The following CCDC148 variants were observed in gnomAD, a reference collection of about 807,000 sequenced individuals.
CCDC148 encodes coiled-coil domain containing 148.
In CCDC148, 89 loss-of-function variants were observed where a neutral mutation model predicts 85.7. The observed-to-expected ratio is 1.04, with a 90% CI of 0.87 to 1.24. The LOEUF is 1.24. Ranked by LOEUF, CCDC148 falls within the 50% of genes most tolerant of loss-of-function variation. The probability of loss-of-function intolerance (pLI) is 0.00; values close to 1 mark genes in which losing one functional copy is unlikely to be tolerated. For missense variants in CCDC148, 692 were observed against 671.7 expected, an observed-to-expected ratio of 1.03 and a Z score of -0.33; for synonymous variants, 230 against 213.9, an observed-to-expected ratio of 1.08 and a Z score of -0.66.
intron 9 of CCDC148, among the ~76,000 whole-genome samples, chr2:158,287,464 G>GTA (rs1690680349): frequency 6.6e-6 from 1 of 152,100 alleles, no homozygotes; most frequent in South Asian, 2.1e-4. Flanking sequence ...TACAGTGGGG[G>GTA]TACAGGCATT....
intron 8 of CCDC148, among the ~76,000 whole-genome samples, chr2:158,313,276 T>C (rs1351580906): frequency 6.6e-6 from 1 of 152,180 alleles, no homozygotes; most frequent in Admixed American, 6.5e-5. Flanking sequence ...ACTAGGAGGA[T>C]CAAGCAGAGT....
chr2:158,454,216 G>C (rs910467631), intron 1 of CCDC148, among the ~76,000 whole-genome samples: 1 of 152,216 alleles, frequency 6.6e-6, no homozygotes, highest in African/African-American at 2.4e-5. Context: ...ATTCCCTTCA[G>C]ACAGTTTCTT....
chr2:158,374,259 T>A (rs935698412), intron 1 of CCDC148, among the ~76,000 whole-genome samples: 2 of 152,036 alleles, frequency 1.3e-5, no homozygotes, highest in African/African-American at 4.8e-5. Flanking sequence ...GACCAGCTAC[T>A]CAGGTGTCAA....
rs111316673 is a variant in CCDC148, at chr2:158,451,036, T to C, written c.25+5379A>G. ...GTTGGATAGTTTCTATTAGTCTGTC[T>C]TCAAGTTCACTGATTTCTTGTTCTG... On this transcript the variant is annotated intron_variant, in intron 1 of 13. Transcript: ENST00000283233. Among the ~76,000 whole-genome samples, 371 of 152,324 alleles carry C rather than the reference T, an allele frequency of 2.4e-3. 1 individual carries two copies. Among genetic ancestry groups the C allele is most frequent in the African/African-American group, 8.6e-3 (356 of 41,580 alleles).
At chr2:158,347,664 G>T (rs1398475476) in intron 2 of CCDC148, among the ~76,000 whole-genome samples, 2 of 152,014 alleles carry the variant, frequency 1.3e-5, no homozygotes, top group South Asian at 2.1e-4. Flanking sequence ...GAAACCAGGG[G>T]TTTCCTGTAT....
At chr2:158,266,854 CTGTG>C (rs147618414) in intron 9 of CCDC148, among the ~76,000 whole-genome samples, 16,978 of 149,186 alleles carry the variant, frequency 0.11, 1,117 homozygotes, top group Middle Eastern at 0.24. Context: ...GTGTGTGTGT[CTGTG>C]TGTGTGTGTG....
intron 12 of CCDC148, 77 bp from the exon 13 acceptor site, chr2:158,176,738 G>A: frequency 6.6e-7 from 1 of 1,504,658 alleles, no homozygotes; most frequent in Non-Finnish European, 9.0e-7. Context: ...GATGTCTAAT[G>A]CCCATTAAAG....
intron 9 of CCDC148, among the ~76,000 whole-genome samples, chr2:158,299,989 A>T (rs1363687436): frequency 6.6e-6 from 1 of 152,242 alleles, no homozygotes; most frequent in East Asian, 1.9e-4. Flanking sequence ...GAGCACAAAA[A>T]CAAGATGAAG....
chr2:158,420,284 GAC>G (rs1261261503), intron 1 of CCDC148, among the ~76,000 whole-genome samples: 1 of 152,086 alleles, frequency 6.6e-6, no homozygotes, highest in African/African-American at 2.4e-5. Context: ...GGAACTCCAA[GAC>G]ACATAATTAT....
chr2:158,237,217 G>A (rs765777681), intron 10 of CCDC148, among the ~76,000 whole-genome samples: 3 of 152,080 alleles, frequency 2.0e-5, no homozygotes, highest in Admixed American at 1.3e-4. Context: ...AAGAAGTATC[G>A]GAGCAGAGCA....
intron 7 of CCDC148, among the ~76,000 whole-genome samples, chr2:158,334,150 T>C (rs565412746): frequency 2.0e-5 from 3 of 151,890 alleles, no homozygotes; most frequent in Non-Finnish European, 2.9e-5. Context: ...CCTCCTGGAG[T>C]TTTTAACTCT....
chr2:158,353,130 A>C (rs1246070958), intron 2 of CCDC148, among the ~76,000 whole-genome samples: 1 of 150,980 alleles, frequency 6.6e-6, no homozygotes, highest in African/African-American at 2.5e-5. Flanking sequence ...TCATGCCAAA[A>C]TGTAAAGACC....
chr2:158,283,653 T>C (rs1177385785), intron 9 of CCDC148, among the ~76,000 whole-genome samples: 1 of 151,884 alleles, frequency 6.6e-6, no homozygotes, highest in Admixed American at 6.6e-5. Flanking sequence ...TGTGGAGAAA[T>C]AGGAACACTT....
chr2:158,198,124 G>A (rs1299386718), intron 11 of CCDC148, among the ~76,000 whole-genome samples: 2 of 151,976 alleles, frequency 1.3e-5, no homozygotes, highest in Admixed American at 1.3e-4. Flanking sequence ...TGGAGATTTG[G>A]CAGGAGGACA....
chr2:158,455,637 A>AAACATG (rs397688726), intron 1 of CCDC148, among the ~76,000 whole-genome samples: 11 of 151,564 alleles, frequency 7.3e-5, no homozygotes, highest in Non-Finnish European at 1.5e-4. Flanking sequence ...GTAGTAACAT[A>AAACATG]GTCTCCTTAC....
intron 10 of CCDC148, among the ~76,000 whole-genome samples, chr2:158,248,037 T>C (rs1298316403): frequency 6.6e-6 from 1 of 152,150 alleles, no homozygotes; most frequent in Non-Finnish European, 1.5e-5. Flanking sequence ...CCTGCATGCA[T>C]TAGGTATTTG....
intron 9 of CCDC148, among the ~76,000 whole-genome samples, chr2:158,269,738 G>A (rs1879701): frequency 0.33 from 50,616 of 151,918 alleles, 9,262 homozygotes; most frequent in Middle Eastern, 0.48. Flanking sequence ...ATGCATCCTT[G>A]GAATGGCTTT....
intron 8 of CCDC148, among the ~76,000 whole-genome samples, chr2:158,312,590 A>AC (rs1202732210): frequency 1.3e-5 from 2 of 149,784 alleles, no homozygotes; most frequent in Non-Finnish European, 2.9e-5. Flanking sequence ...AAAAAAAAAA[A>AC]AAAAAAACCA....
At chr2:158,290,233 T>G (rs903984562) in intron 9 of CCDC148, among the ~76,000 whole-genome samples, 1 of 152,042 alleles carries the variant, frequency 6.6e-6, no homozygotes, top group Non-Finnish European at 1.5e-5. Flanking sequence ...TAAAGGAGGC[T>G]GGCGGTGGGA....
Sources: gnomAD v4.1 joint callset for allele counts (sites outside exome capture counted in the v4.1 genomes callset) on GRCh38, gnomAD v4.1.1 for gene constraint, MANE v1.5 for transcripts, NCBI Gene and HGNC (gene_info 2026-07-23, HGNC 2026-07-21) for gene names.